The following MRGPRX3 variants were observed in gnomAD, a reference collection of about 807,000 sequenced individuals.
MRGPRX3 encodes the protein MAS related GPR family member X3.
In MRGPRX3, 14 loss-of-function variants were observed where a neutral mutation model predicts 16.5. The ratio of observed to expected loss-of-function variants is 0.85; its 90% CI spans 0.56 to 1.33. The LOEUF is 1.33. MRGPRX3 is among the 40% of genes most tolerant of loss of function. The pLI, the probability that MRGPRX3 is intolerant of heterozygous loss-of-function variation, is 0.00. For synonymous variants in MRGPRX3, 199 were observed against 180.1 expected, an observed-to-expected ratio of 1.10 and a Z score of -0.84; for missense variants, 449 against 413.0, an observed-to-expected ratio of 1.09 and a Z score of -0.76.
chr11:18,129,332 C>A (rs1429565109), upstream of MRGPRX3, among the ~76,000 whole-genome samples: 1 of 152,082 alleles, frequency 6.6e-6, no homozygotes, highest in Non-Finnish European at 1.5e-5. Flanking sequence ...CAAATAAGCT[C>A]AATTAGGAAT....
intron 1 of MRGPRX3, among the ~76,000 whole-genome samples, chr11:18,136,512 G>A (rs1049704034): frequency 6.6e-6 from 1 of 152,204 alleles, no homozygotes; most frequent in Non-Finnish European, 1.5e-5. Flanking sequence ...GTGTTCTAAT[G>A]CCTTACATTG....
Position 18,137,853 on chromosome 11 carries a change from C to G in MRGPRX3, c.651C>G (p.Thr217=), listed in dbSNP as rs752232228. Residue 217 remains threonine, a synonymous_variant, in exon 2 of 2, where the codon ACC becomes ACG. Coordinates refer to ENST00000621697, the MANE Select transcript of MRGPRX3 (RefSeq NM_001370464.1). ...RKMPLTRLYV[T]ILLTVLVFLL... Reference sequence around the variant, plus strand: ...TGCCGCTGACCAGGCTGTACGTGACCATCCTCCTCACAGTGCTGGTCTTCC... The same window carrying G: ...TGCCGCTGACCAGGCTGTACGTGACGATCCTCCTCACAGTGCTGGTCTTCC... The G allele has an allele frequency of 2.5e-6, 4 of 1,614,176 alleles. No homozygotes were observed. The highest frequency in any genetic ancestry group is 1.7e-5 in the Admixed American group (1 of 60,026).
At chr11:18,124,855 T>C (rs1848875594) in intron 1 of MRGPRX3, among the ~76,000 whole-genome samples, 1 of 152,222 alleles carries the variant, frequency 6.6e-6, no homozygotes, top group Non-Finnish European at 1.5e-5. Context: ...AATTATTACC[T>C]CAATTTCAGA....
chr11:18,137,434 G>T lies in MRGPRX3; in HGVS notation c.232G>T (p.Gly78Cys), dbSNP rs377451721. The part of the protein sequence containing the change: ...LVAADFLFLS[G>C]HIICSPLRLI... ...CGCGGCCGACTTCCTCTTCCTTAGC[G>T]GCCACATTATATGTTCGCCGTTACG... The change falls in exon 2 of 2, where the codon GGC becomes TGC. Residue 78 changes from glycine (G) to cysteine (C), a missense_variant. Transcript: ENST00000621697. The T allele has an allele frequency of 1.9e-6, 3 of 1,613,952 alleles. No homozygotes were observed. Among genetic ancestry groups the T allele is most frequent in the Non-Finnish European group, 2.5e-6 (3 of 1,180,020 alleles).
chr11:18,126,172 G>A (rs1848893384), intron 1 of MRGPRX3, among the ~76,000 whole-genome samples: 1 of 152,096 alleles, frequency 6.6e-6, no homozygotes, highest in South Asian at 2.1e-4. Flanking sequence ...TCTTTTAATT[G>A]GAGCATTTAG....
At chr11:18,124,796 C>T (rs190293975) in intron 1 of MRGPRX3, among the ~76,000 whole-genome samples, 22 of 152,114 alleles carry the variant, frequency 1.4e-4, no homozygotes, top group African/African-American at 5.1e-4. Context: ...TGGTAGAATT[C>T]GGCTGTGAAT....
chr11:18,137,602 C>G lies in MRGPRX3; in HGVS notation c.400C>G (p.Arg134Gly). 6.2e-7 allele frequency: 1 copy of G among 1,614,176 alleles called. No homozygotes were observed. The highest frequency in any genetic ancestry group is 8.5e-7 in the Non-Finnish European group (1 of 1,180,038). ...ILWPIWYHCR[R>G]PRYLSSVMCV... Reference sequence around the variant, plus strand: ...GTGGCCCATCTGGTACCACTGCCGCCGCCCCAGATACCTGTCATCAGTCAT... The same window carrying G: ...GTGGCCCATCTGGTACCACTGCCGCGGCCCCAGATACCTGTCATCAGTCAT... Residue 134 changes from arginine (R) to glycine (G), a missense_variant, in exon 2 of 2, where the codon CGC becomes GGC. Coordinates refer to ENST00000621697, the MANE Select transcript of MRGPRX3 (RefSeq NM_001370464.1).
chr11:18,127,265 C>T (rs1385728422), intron 1 of MRGPRX3, among the ~76,000 whole-genome samples: 1 of 152,136 alleles, frequency 6.6e-6, no homozygotes, highest in Non-Finnish European at 1.5e-5. Context: ...TTGCTCTTCT[C>T]GAGGAGTATC....
chr11:18,128,872 T>G (rs1174459177), upstream of MRGPRX3, among the ~76,000 whole-genome samples: 1 of 152,220 alleles, frequency 6.6e-6, no homozygotes, highest in Admixed American at 6.5e-5. Context: ...TCTGTGTTGC[T>G]CACGCTGGGA....
At position 18,133,707 on chromosome 11, in the gene MRGPRX3, T is replaced by C. The variant is rs571608372; in HGVS notation, c.-26+968T>C. Among the ~76,000 whole-genome samples, 5 of 152,342 alleles carry C rather than the reference T, an allele frequency of 3.3e-5. No homozygotes were observed. In the South Asian group the frequency reaches 1.0e-3, roughly 32 times the overall value. On this transcript the variant is annotated intron_variant, in intron 1 of 1. Transcript: ENST00000621697. ...GAAGCAGAAGCTGCTATGCTTCTTG[T>C]ACAGTCTGTAGAGCTATTAGCCAGT...
At chr11:18,133,149 T>C (rs1005937416) in intron 1 of MRGPRX3, among the ~76,000 whole-genome samples, 5 of 152,348 alleles carry the variant, frequency 3.3e-5, no homozygotes, top group Non-Finnish European at 5.9e-5. Context: ...AAGATATAGA[T>C]GGCCCAATAA....
intron 1 of MRGPRX3, among the ~76,000 whole-genome samples, chr11:18,135,344 T>C (rs1848998896): frequency 6.6e-6 from 1 of 152,220 alleles, no homozygotes; most frequent in East Asian, 1.9e-4. Flanking sequence ...ACAAACAGTT[T>C]AGTGCTCTGA....
At chr11:18,130,209 C>T (rs556683225), upstream of MRGPRX3, among the ~76,000 whole-genome samples, 2 of 152,140 alleles carry the variant, frequency 1.3e-5, no homozygotes, top group African/African-American at 4.8e-5. Context: ...AAATCAAGGG[C>T]ACCCAAATCA....
upstream of MRGPRX3, among the ~76,000 whole-genome samples, chr11:18,130,743 A>C (rs1488969706): frequency 1.3e-5 from 2 of 152,152 alleles, no homozygotes; most frequent in African/African-American, 4.8e-5. Context: ...CTTAGCAAAA[A>C]GAACAAATCT....
chr11:18,129,812 T>C (rs1290132478), upstream of MRGPRX3, among the ~76,000 whole-genome samples: 3 of 152,200 alleles, frequency 2.0e-5, no homozygotes, highest in Non-Finnish European at 4.4e-5. Flanking sequence ...TCCAACAGCA[T>C]ATCAAGAAGA....
In MRGPRX3 at chr11:18,137,269, T is replaced by G; in HGVS notation, c.67T>G (p.Cys23Gly). The stretch of plus-strand genomic sequence containing the variant: ...AATCAACGGACGTGAGGAGACTCCT[T>G]GCTACAAGCAGACCCTGAGCTTCAC... Reference protein sequence around the residue: ...TPINGREETPCYKQTLSFTGL... With the variant: ...TPINGREETPGYKQTLSFTGL... Residue 23 changes from cysteine to glycine, a missense_variant, in exon 2 of 2, where the codon TGC becomes GGC. By Grantham distance (159) the Cys-to-Gly change is radical. Coordinates refer to ENST00000621697, the MANE Select transcript of MRGPRX3 (RefSeq NM_001370464.1). 6.2e-7 allele frequency: 1 copy of G among 1,614,048 alleles called. No homozygotes were observed. The highest frequency in any genetic ancestry group is 8.5e-7 in the Non-Finnish European group (1 of 1,179,970).
intron 1 of MRGPRX3, among the ~76,000 whole-genome samples, chr11:18,136,130 G>A (rs556286531): frequency 2.6e-5 from 4 of 152,160 alleles, no homozygotes; most frequent in East Asian, 1.9e-4. Flanking sequence ...ACAAAGAAAC[G>A]CTACCAAAGA....
At chr11:18,128,373 G>A (rs1217059837), upstream of MRGPRX3, among the ~76,000 whole-genome samples, 1 of 152,264 alleles carries the variant, frequency 6.6e-6, no homozygotes, top group Non-Finnish European at 1.5e-5. Flanking sequence ...CCTGCCCCCA[G>A]AGGTGGAGTT....
rs1849016426 is a variant in MRGPRX3, at chr11:18,137,278, C to T, written c.76C>T (p.Gln26Ter). Residue 26 changes from glutamine to a stop codon, truncating the protein, a stop_gained, in exon 2 of 2, where the codon CAG (glutamine) becomes TAG (stop). Coordinates refer to ENST00000621697, the MANE Select transcript of MRGPRX3 (RefSeq NM_001370464.1). LOFTEE classifies it low-confidence loss of function (END_TRUNC). ...NGREETPCYK[Q>*]TLSFTGLTCI... ...ACGTGAGGAGACTCCTTGCTACAAG[C>T]AGACCCTGAGCTTCACGGGGCTGAC... The T allele has an allele frequency of 1.2e-6, 2 of 1,613,988 alleles. No homozygotes were observed. Among genetic ancestry groups the T allele is most frequent in the African/African-American group, 1.3e-5 (1 of 74,906 alleles).
Sources: gnomAD v4.1 joint callset for allele counts (sites outside exome capture counted in the v4.1 genomes callset) on GRCh38, gnomAD v4.1.1 for gene constraint, MANE v1.5 for transcripts, NCBI Gene and HGNC (gene_info 2026-07-23, HGNC 2026-07-21) for gene names.